Variants in NRXN1 observed in about 807,000 individuals in gnomAD.
The protein encoded by NRXN1 is neurexin-1.
Under a neutral mutation model 150.9 loss-of-function variants are expected in NRXN1, and 39 were observed. That is an observed-to-expected ratio of 0.26 (90% CI 0.20 to 0.34). The LOEUF (loss-of-function observed/expected upper bound fraction) is 0.34. Among genes scored for constraint, NRXN1 ranks in the 10% least tolerant of loss-of-function variants. The pLI is 1.00. For synonymous variants in NRXN1, 924 were observed against 757.0 expected (o/e 1.22, Z -3.62); for missense variants, 1,815 against 1,949.9 (o/e 0.93, Z 1.30).
intron 21 of NRXN1, among the ~76,000 whole-genome samples, chr2:49,983,994 T>C (rs1246931855): frequency 2.2e-5 from 3 of 135,224 alleles, no homozygotes; most frequent in Admixed American, 7.4e-5. Flanking sequence ...GAGATCTCAT[T>C]TCTACTAAAA....
intron 5 of NRXN1, among the ~76,000 whole-genome samples, chr2:50,789,540 A>G (rs1487194058): frequency 2.0e-5 from 3 of 152,236 alleles, no homozygotes; most frequent in Non-Finnish European, 4.4e-5. Flanking sequence ...TGAAAATAAC[A>G]GCAGTGTCTT....
At chr2:50,653,951 C>T (rs990798664) in intron 5 of NRXN1, among the ~76,000 whole-genome samples, 19 of 143,762 alleles carry the variant, frequency 1.3e-4, no homozygotes, top group Non-Finnish European at 1.8e-4. Context: ...ATGCCCCCTA[C>T]TTTCTTCTCT....
intron 21 of NRXN1, among the ~76,000 whole-genome samples, chr2:50,048,227 C>T (rs1274908288): frequency 6.6e-6 from 1 of 152,050 alleles, no homozygotes; most frequent in Non-Finnish European, 1.5e-5. Context: ...TTTTAAAATA[C>T]ACATCAAAGT....
chr2:50,692,711 T>C (rs944905980), intron 5 of NRXN1, among the ~76,000 whole-genome samples: 1 of 152,196 alleles, frequency 6.6e-6, no homozygotes, highest in Non-Finnish European at 1.5e-5. Flanking sequence ...ATTTTCTCTT[T>C]TTCCCCTTGG....
chr2:50,706,681 T>A lies in NRXN1; in HGVS notation c.833-83066A>T, dbSNP rs142995673. On this transcript the variant is annotated intron_variant, in intron 5 of 22. Transcript: ENST00000401669. The stretch of plus-strand genomic sequence containing the variant: ...ATATTTGACTCTACTTAGCCAAACA[T>A]GTCAATTTCATAAGAAATCTATAAA... 8.0e-4 allele frequency among the ~76,000 whole-genome samples: 122 copies of A among 152,282 alleles called. 1 individual carries two copies. In the East Asian group the frequency reaches 0.019, roughly 23 times the overall value.
chr2:50,447,737 T>TTATATATATATATATATATATATATA (rs70948710), intron 17 of NRXN1, among the ~76,000 whole-genome samples: 1 of 37,928 alleles, frequency 2.6e-5, no homozygotes, highest in Non-Finnish European at 4.3e-5. Flanking sequence ...CAGGGGAACG[T>TTATATATATATATATATATATATATA]TATATATATA....
At chr2:50,887,918 T>TA (rs1234239384) in intron 5 of NRXN1, among the ~76,000 whole-genome samples, 1 of 151,194 alleles carries the variant, frequency 6.6e-6, no homozygotes. Context: ...GTTATTTTTT[T>TA]ATCTTTCCTT....
chr2:50,394,657 T>C (rs2081950650), intron 17 of NRXN1, among the ~76,000 whole-genome samples: 1 of 152,070 alleles, frequency 6.6e-6, no homozygotes, highest in African/African-American at 2.4e-5. Flanking sequence ...CCCTCTTCTC[T>C]GCAATCTATT....
At chr2:50,681,902 C>G (rs1474017483) in intron 5 of NRXN1, among the ~76,000 whole-genome samples, 1 of 152,116 alleles carries the variant, frequency 6.6e-6, no homozygotes, top group Non-Finnish European at 1.5e-5. Context: ...TTTATTAGTT[C>G]TATGATCTTT....
At chr2:51,018,703 T>G (rs898615807) in intron 2 of NRXN1, among the ~76,000 whole-genome samples, 1 of 152,114 alleles carries the variant, frequency 6.6e-6, no homozygotes, top group African/African-American at 2.4e-5. Context: ...TTCTTTATAT[T>G]TGTGCTGACT....
intron 18 of NRXN1, among the ~76,000 whole-genome samples, chr2:50,220,470 T>C (rs912802421): frequency 6.6e-6 from 1 of 151,974 alleles, no homozygotes; most frequent in African/African-American, 2.4e-5. Context: ...ATAATTGATA[T>C]TGCATTAGAA....
In NRXN1 at chr2:50,521,593, C is replaced by A. The variant is rs147292829; in HGVS notation, c.2374+7032G>T. On this transcript the variant is annotated intron_variant, in intron 12 of 22. Coordinates refer to ENST00000401669, the MANE Select transcript of NRXN1 (RefSeq NM_001330078.2). ...CACAAAACATTTCAATCTCCAAATTCTTTGACCGTCCCCATGATTTAAAGA... is the reference window on the plus strand; with the variant it reads ...CACAAAACATTTCAATCTCCAAATTATTTGACCGTCCCCATGATTTAAAGA... Among the ~76,000 whole-genome samples the A allele has an allele frequency of 3.9e-3, 594 of 152,240 alleles. 5 individuals carry two copies. Among genetic ancestry groups the A allele is most frequent in the African/African-American group, 0.014 (571 of 41,542 alleles).
chr2:50,476,735 C>A (rs2090021565), intron 15 of NRXN1, among the ~76,000 whole-genome samples: 1 of 152,082 alleles, frequency 6.6e-6, no homozygotes, highest in African/African-American at 2.4e-5. Context: ...ATTTAGTTGA[C>A]AGTCATTTGT....
chr2:49,968,017 C>A (rs1438614051), intron 21 of NRXN1, among the ~76,000 whole-genome samples: 3 of 151,852 alleles, frequency 2.0e-5, no homozygotes, highest in Admixed American at 6.6e-5. Context: ...GATGACCATT[C>A]CAGTATCAAG....
At chr2:50,649,000 T>C (rs1465096308) in intron 5 of NRXN1, among the ~76,000 whole-genome samples, 2 of 151,982 alleles carry the variant, frequency 1.3e-5, no homozygotes, top group Non-Finnish European at 2.9e-5. Flanking sequence ...TCAATCTGAA[T>C]GTCCCCTTCC....
chr2:50,753,023 A>C (rs1240916831), intron 5 of NRXN1, among the ~76,000 whole-genome samples: 2 of 151,858 alleles, frequency 1.3e-5, no homozygotes, highest in African/African-American at 2.4e-5. Context: ...TCCTATTAAC[A>C]CTTACATGGT....
intron 5 of NRXN1, among the ~76,000 whole-genome samples, chr2:50,892,244 G>T (rs1471415892): frequency 6.6e-6 from 1 of 152,066 alleles, no homozygotes; most frequent in Admixed American, 6.6e-5. Context: ...AGAGAACATG[G>T]CATTTATTAA....
At chr2:50,489,080 G>C (rs986483903) in intron 15 of NRXN1, among the ~76,000 whole-genome samples, 20 of 152,190 alleles carry the variant, frequency 1.3e-4, no homozygotes, top group African/African-American at 4.8e-4. Context: ...TAAACTGTCA[G>C]CTTATCATGA....
chr2:50,374,386 C>T (rs1379257254), intron 17 of NRXN1, among the ~76,000 whole-genome samples: 1 of 151,904 alleles, frequency 6.6e-6, no homozygotes, highest in Non-Finnish European at 1.5e-5. Flanking sequence ...TGCCTGTTCT[C>T]TTACTTGTGT....
Sources: allele counts gnomAD v4.1 joint callset (sites outside exome capture counted in the v4.1 genomes callset), GRCh38; gene constraint gnomAD v4.1.1; transcripts MANE v1.5; gene names NCBI Gene and HGNC (gene_info 2026-07-23, HGNC 2026-07-21).